NCAPG2: variants seen among roughly 807,000 people sequenced by gnomAD.
NCAPG2 encodes condensin-2 complex subunit G2.
In NCAPG2, 53 loss-of-function variants were observed where a neutral mutation model predicts 141.1. The observed-to-expected ratio is 0.38, with a 90% CI of 0.30 to 0.47. The LOEUF (loss-of-function observed/expected upper bound fraction) is 0.47, where lower values mean the gene tolerates loss of function less well. Ranked by LOEUF, NCAPG2 falls within the 20% of genes least tolerant of loss-of-function variation. NCAPG2 has a pLI of 0.99. For synonymous variants in NCAPG2, 499 were observed against 490.7 expected (o/e 1.02, Z -0.22); for missense variants, 1,087 against 1,389.0 (o/e 0.78, Z 3.46).
At chr7:158,664,976 G>A (rs1832806585) in intron 13 of NCAPG2, 1 of 451,404 alleles carries the variant, frequency 2.2e-6, no homozygotes, top group Non-Finnish European at 3.9e-6. Context: ...AAGTATTAGG[G>A]TGCTAAGAGG....
chr7:158,656,720 C>T lies in NCAPG2; in HGVS notation c.2061-15G>A, dbSNP rs759294133. ...TCACACCACAGCTGAAAATGTCAGA[C>T]GGAAAATCGGACTGAGTATTTCAAC... On this transcript the variant is annotated splice_polypyrimidine_tract_variant and intron_variant, in intron 17 of 27. Transcript: ENST00000356309. 4.9e-5 allele frequency: 79 copies of T among 1,611,414 alleles called. No homozygotes were observed. The highest frequency in any genetic ancestry group is 1.7e-4 in the Middle Eastern group (1 of 5,976).
At chr7:158,631,750 G>T in intron 27 of NCAPG2, 33 bp from the exon 28 acceptor site, 1 of 1,495,858 alleles carries the variant, frequency 6.7e-7, no homozygotes, top group Non-Finnish European at 9.2e-7. Context: ...TTTAGCTACA[G>T]AAAAAAGTGA....
intron 16 of NCAPG2, among the ~76,000 whole-genome samples, chr7:158,661,636 G>C (rs921233877): frequency 6.6e-6 from 1 of 152,074 alleles, no homozygotes; most frequent in Admixed American, 6.5e-5. Flanking sequence ...AGTATGTGAG[G>C]CTCGATTTGG....
intron 27 of NCAPG2, among the ~76,000 whole-genome samples, chr7:158,642,745 GA>G (rs1038548055): frequency 6.6e-6 from 1 of 151,840 alleles, no homozygotes; most frequent in Non-Finnish European, 1.5e-5. Flanking sequence ...TCCTAAGTAA[GA>G]AAAACAGAAA....
chr7:158,672,316 ATATATATATATATTTTTTTTTTTT>A lies in NCAPG2; in HGVS notation c.1327-674_1327-651del, dbSNP rs1833772830. 2.7e-3 allele frequency among the ~76,000 whole-genome samples: 95 copies of A among 35,748 alleles called. 1 individual carries two copies. In the East Asian group the frequency reaches 0.052, roughly 20 times the overall value. 23.5% of individuals were successfully genotyped at this position (35,748 alleles called of 152,430 possible). ...TGTATATATATATATATATATATATATATATATATATATTTTTTTTTTTTTTTTTTTTTTTTTTTTTTTTGAGAC... is the reference window on the plus strand; with the variant it reads ...TGTATATATATATATATATATATATATTTTTTTTTTTTTTTTTTTTGAGAC... On this transcript the variant is annotated intron_variant, in intron 12 of 27. Transcript: ENST00000356309.
chr7:158,647,159 T>C (rs545416909), intron 24 of NCAPG2, among the ~76,000 whole-genome samples: 2 of 152,350 alleles, frequency 1.3e-5, no homozygotes, highest in African/African-American at 4.8e-5. Flanking sequence ...GTAAATAATG[T>C]GCTTTTATGC....
rs1226406659 is a variant in NCAPG2, at chr7:158,664,702, C to T, written c.1528G>A (p.Asp510Asn). The T allele has an allele frequency of 6.2e-6, 10 of 1,614,162 alleles. No individual in the cohort carries two copies. The highest frequency in any genetic ancestry group is 8.5e-6 in the Non-Finnish European group (10 of 1,180,026). ...MEHILVRLET[D>N]SRPVSRRLVS... The stretch of plus-strand genomic sequence containing the variant: ...AGGCGCCGAGACACAGGTCGAGAAT[C>T]AGTTTCCAGACGAACCAGAATGTGC... Residue 510 changes from aspartate to asparagine, a missense_variant, in exon 14 of 28, where the codon GAT becomes AAT. Transcript: ENST00000356309.
intron 8 of NCAPG2, among the ~76,000 whole-genome samples, chr7:158,684,620 AAAACTT>A (rs1314700864): frequency 1.3e-5 from 2 of 152,266 alleles, no homozygotes; most frequent in African/African-American, 2.4e-5. Context: ...ATTTGCCTGA[AAAACTT>A]AAAGAGAGGG....
At chr7:158,671,765 T>C in intron 12 of NCAPG2, 99 bp from the exon 13 acceptor site, 1 of 1,292,606 alleles carries the variant, frequency 7.7e-7, no homozygotes, top group Non-Finnish European at 1.1e-6. Flanking sequence ...GTTCCATCTT[T>C]ATTAGAACTA....
intron 27 of NCAPG2, among the ~76,000 whole-genome samples, chr7:158,637,095 C>A (rs898165459): frequency 1.3e-5 from 2 of 151,912 alleles, no homozygotes; most frequent in African/African-American, 4.8e-5. Flanking sequence ...CTACAGGCGC[C>A]CGCCACCATG....
chr7:158,654,919 TATGTA>T (rs1302395395), intron 21 of NCAPG2, 194 bp downstream of exon 21: 3 of 1,102,204 alleles, frequency 2.7e-6, no homozygotes, highest in Non-Finnish European at 3.7e-6. Context: ...ACACCTCTTA[TATGTA>T]ATGTATAAAA....
intron 26 of NCAPG2, 62 bp from the exon 27 acceptor site, chr7:158,644,450 C>G: frequency 2.9e-6 from 4 of 1,401,430 alleles, no homozygotes; most frequent in Non-Finnish European, 4.0e-6. Context: ...GACAAACACT[C>G]TGGTACACAT....
intron 11 of NCAPG2, 150 bp from the exon 12 acceptor site, chr7:158,675,806 T>G (rs1834013968): frequency 1.2e-6 from 1 of 807,746 alleles, no homozygotes; most frequent in Non-Finnish European, 1.9e-6. Context: ...AGACCTGAGA[T>G]TACTTGCTAT....
chr7:158,635,388 C>T (rs868357280), intron 27 of NCAPG2, among the ~76,000 whole-genome samples: 1 of 152,212 alleles, frequency 6.6e-6, no homozygotes, highest in Middle Eastern at 3.4e-3. Context: ...ATGTTGGCAC[C>T]TACATTATTT....
intron 2 of NCAPG2, among the ~76,000 whole-genome samples, chr7:158,701,585 G>A (rs1835793199): frequency 6.6e-6 from 1 of 152,118 alleles, no homozygotes; most frequent in South Asian, 2.1e-4. Context: ...TGTTAGATGG[G>A]TCCTTTCCCC....
At chr7:158,657,523 G>A (rs1832077690) in intron 17 of NCAPG2, among the ~76,000 whole-genome samples, 1 of 152,052 alleles carries the variant, frequency 6.6e-6, no homozygotes, top group Non-Finnish European at 1.5e-5. Context: ...CATCCTTGAG[G>A]GAGGTGGGGG....
At chr7:158,702,672 A>G (rs1835886859) in intron 1 of NCAPG2, among the ~76,000 whole-genome samples, 1 of 152,228 alleles carries the variant, frequency 6.6e-6, no homozygotes, top group African/African-American at 2.4e-5. Flanking sequence ...CACTTTAAAA[A>G]TAAATGAAAA....
chr7:158,634,385 A>G (rs1830058387), intron 27 of NCAPG2, among the ~76,000 whole-genome samples: 1 of 152,190 alleles, frequency 6.6e-6, no homozygotes, highest in Admixed American at 6.5e-5. Context: ...GTTATACTAT[A>G]TACTATATTG....
chr7:158,672,286 G>A (rs75642161), intron 12 of NCAPG2, among the ~76,000 whole-genome samples: 293 of 25,806 alleles, frequency 0.011, 3 homozygotes, highest in African/African-American at 0.036. Context: ...ACATGTGTGT[G>A]TGTGTGTATA....
Sources: allele counts gnomAD v4.1 joint callset (sites outside exome capture counted in the v4.1 genomes callset), GRCh38; gene constraint gnomAD v4.1.1; transcripts MANE v1.5; gene names NCBI Gene and HGNC (gene_info 2026-07-23, HGNC 2026-07-21).